The following FAM217B variants were observed in gnomAD, a reference collection of about 807,000 sequenced individuals.
FAM217B encodes the protein family with sequence similarity 217 member B, also known as protein FAM217B.
For missense variants in FAM217B, 463 were observed against 456.9 expected, an observed-to-expected ratio of 1.01 and a Z score of -0.12; for synonymous variants, 163 against 173.0, an observed-to-expected ratio of 0.94 and a Z score of 0.45.
In FAM217B at chr20:59,944,905, GTCACAT is replaced by G; in HGVS notation, c.965_970del (p.His322_Ile323del). The G allele has an allele frequency of 6.2e-7, 1 of 1,614,168 alleles. No individual in the cohort carries two copies. The highest frequency in any genetic ancestry group is 8.5e-7 in the Non-Finnish European group (1 of 1,180,042). On this transcript the variant is annotated inframe_deletion, in exon 4 of 4. Transcript: ENST00000360816. ...AGCAGCTCTAAGGTGGAAACCAGCG[GTCACAT>G]TCGAGTTCCCAAACAGGCAGCTGTG...
chr20:59,935,371 A>C (rs2060855029), intron 1 of FAM217B, among the ~76,000 whole-genome samples: 1 of 152,216 alleles, frequency 6.6e-6, no homozygotes, highest in South Asian at 2.1e-4. Flanking sequence ...AAACATCCGT[A>C]AACTACAACA....
chr20:59,940,263 G>T (rs1231490463), upstream of FAM217B: 1 of 210,290 alleles, frequency 4.8e-6, no homozygotes, highest in Admixed American at 6.1e-5. Flanking sequence ...TTCCGGGAGC[G>T]GCCCCTCCCA....
rs2060911098 is a variant in FAM217B, at chr20:59,942,498, T to C, written c.-19T>C. On this transcript the variant is annotated 5_prime_UTR_variant, in exon 3 of 4. Coordinates refer to ENST00000360816, the MANE Select transcript of FAM217B (RefSeq NM_022106.3). Reference sequence around the variant, plus strand: ...AGAAGAGGAATAGGGTGAATGAATCTCATCAGAAAAGCAGGTAAATAGTTT... The same window carrying C: ...AGAAGAGGAATAGGGTGAATGAATCCCATCAGAAAAGCAGGTAAATAGTTT... The C allele has an allele frequency of 6.6e-6, 1 of 152,228 alleles. No homozygotes were observed. The highest frequency in any genetic ancestry group is 1.5e-5 in the Non-Finnish European group (1 of 68,038). The allele number at this position is 152,228 out of a possible 1,614,324, so 9.4% of individuals were successfully genotyped here. A position where few individuals can be genotyped will look rare whatever the true frequency, so the allele number is the denominator to read the frequency against.
upstream of FAM217B, chr20:59,937,654 T>C (rs1389725572): frequency 6.7e-6 from 1 of 150,200 alleles, no homozygotes; most frequent in Non-Finnish European, 1.5e-5. Flanking sequence ...GGAGATCTTG[T>C]CCTTCCTGGC....
At chr20:59,939,731 G>T, upstream of FAM217B, 1 of 1,255,878 alleles carries the variant, frequency 8.0e-7, no homozygotes, top group South Asian at 3.2e-5. Context: ...GCCGCAGGAT[G>T]ATGGGCCGCA....
rs761762507 is a variant in FAM217B at position 59,944,856 on chromosome 20, C to T, written c.913C>T (p.Arg305Cys). Residue 305 changes from arginine (R) to cysteine (C), a missense_variant, in exon 4 of 4, where the codon CGC becomes TGC. Coordinates refer to ENST00000360816, the MANE Select transcript of FAM217B (RefSeq NM_022106.3). ...ATCAAGTAAGAGTACGAAGCTGCAG[C>T]GCTGGGATCTGTCCGGCAGTGGAAG... is the stretch of plus-strand genomic sequence containing the variant. Reference protein sequence around the residue: ...KKSSKSTKLQRWDLSGSGSSS... With the variant: ...KKSSKSTKLQCWDLSGSGSSS... 1.8e-5 allele frequency: 29 copies of T among 1,614,060 alleles called. No individual in the cohort carries two copies. In the South Asian group the frequency reaches 2.6e-4, roughly 15 times the overall value.
At chr20:59,938,906 A>T, upstream of FAM217B, 6 of 935,796 alleles carry the variant, frequency 6.4e-6, no homozygotes, top group Non-Finnish European at 7.4e-6. Flanking sequence ...ACCTTGCAGC[A>T]GAAAATTAGG....
At chr20:59,940,141 G>GT (rs1273850078), upstream of FAM217B, 4 of 411,286 alleles carry the variant, frequency 9.7e-6, no homozygotes, top group African/African-American at 6.2e-5. Flanking sequence ...TAAAGAAATT[G>GT]TAAGAGTGGG....
upstream of FAM217B, chr20:59,939,881 C>G: frequency 1.6e-6 from 2 of 1,250,670 alleles, no homozygotes; most frequent in Non-Finnish European, 2.0e-6. Flanking sequence ...GGCCGAGCTT[C>G]CGGGATCCCA....
upstream of FAM217B, chr20:59,936,959 A>G (rs1260101491): frequency 1.3e-5 from 2 of 152,682 alleles, no homozygotes; most frequent in Admixed American, 6.5e-5. Flanking sequence ...TCTAAGTAAT[A>G]TAACTGTTTT....
At chr20:59,941,262 A>G (rs1208426852) in intron 1 of FAM217B, among the ~76,000 whole-genome samples, 1 of 152,246 alleles carries the variant, frequency 6.6e-6, no homozygotes, top group East Asian at 1.9e-4. Context: ...CCAGAGGGAC[A>G]AAGCAGAAAG....
intron 3 of FAM217B, 78 bp from the exon 4 acceptor site, chr20:59,943,862 A>AT: frequency 8.1e-7 from 1 of 1,237,374 alleles, no homozygotes; most frequent in Non-Finnish European, 1.1e-6. Flanking sequence ...CAACTAGAAG[A>AT]TTCTTTTTGT....
At chr20:59,939,022 C>G (rs777707019), upstream of FAM217B, 1 of 1,503,796 alleles carries the variant, frequency 6.6e-7, no homozygotes, top group Non-Finnish European at 8.9e-7. Flanking sequence ...GTGGCCGGTC[C>G]CCGCGCGGCT....
intron 1 of FAM217B, among the ~76,000 whole-genome samples, chr20:59,935,369 G>A (rs866610973): frequency 5.9e-5 from 9 of 151,994 alleles, no homozygotes; most frequent in East Asian, 1.9e-4. Context: ...GTAAACATCC[G>A]TAAACTACAA....
chr20:59,939,057 T>C (rs750617695), upstream of FAM217B: 9 of 1,550,952 alleles, frequency 5.8e-6, no homozygotes, highest in Middle Eastern at 3.4e-4. Context: ...CCAGCTCTCT[T>C]CGCACTCCCC....
At chr20:59,939,216 C>A, upstream of FAM217B, 1 of 1,610,680 alleles carries the variant, frequency 6.2e-7, no homozygotes, top group Non-Finnish European at 8.5e-7. Context: ...TACTGGAAAG[C>A]CGAAGGTGAA....
At position 59,944,833 on chromosome 20, in the gene FAM217B, C is replaced by A. The variant is rs767852620; in HGVS notation, c.890C>A (p.Ser297Ter). The A allele has an allele frequency of 6.2e-7, 1 of 1,614,156 alleles. No homozygotes were observed. The highest frequency in any genetic ancestry group is 1.1e-5 in the South Asian group (1 of 91,064). The change falls in exon 4 of 4, where the codon TCA becomes TAA. Residue 297 changes from serine to a stop codon, truncating the protein, a stop_gained. Transcript: ENST00000360816. LOFTEE classifies it low-confidence loss of function (END_TRUNC). ...AGGACAGAAGAAAAGAAAAAGAAAT[C>A]AAGTAAGAGTACGAAGCTGCAGCGC... The part of the protein sequence containing the change: ...EMRTEEKKKK[S>*]SKSTKLQRWD...
At chr20:59,935,764 CCTT>C (rs2060858935), upstream of FAM217B, among the ~76,000 whole-genome samples, 1 of 152,130 alleles carries the variant, frequency 6.6e-6, no homozygotes, top group South Asian at 2.1e-4. Context: ...CAAGGCAAGA[CCTT>C]CTCTCAAAAA....
chr20:59,937,088 A>G (rs2060867114), upstream of FAM217B: 1 of 152,644 alleles, frequency 6.6e-6, no homozygotes, highest in South Asian at 2.1e-4. Flanking sequence ...GGTTCACTTA[A>G]TATTAAATAT....
Sources: gnomAD v4.1 joint callset for allele counts (sites outside exome capture counted in the v4.1 genomes callset) on GRCh38, gnomAD v4.1.1 for gene constraint, MANE v1.5 for transcripts, NCBI Gene and HGNC (gene_info 2026-07-23, HGNC 2026-07-21) for gene names.